The following NCKAP5 variants were observed in gnomAD, a reference collection of about 807,000 sequenced individuals.
NCKAP5 encodes nck-associated protein 5.
A neutral mutation model predicts 167.0 loss-of-function variants in NCKAP5; 92 were observed. The ratio of observed to expected loss-of-function variants is 0.55; its 90% CI spans 0.47 to 0.66. The LOEUF (loss-of-function observed/expected upper bound fraction) is 0.66. NCKAP5 is among the 30% of genes least tolerant of loss of function. The pLI is 0.00. For missense variants in NCKAP5, 2,378 were observed against 2,315.0 expected (o/e 1.03, Z -0.56); for synonymous variants, 891 against 877.4 (o/e 1.02, Z -0.27).
At chr2:133,204,754 T>G (rs77421898) in intron 5 of NCKAP5, among the ~76,000 whole-genome samples, 6,400 of 152,282 alleles carry the variant, frequency 0.042, 422 homozygotes, top group African/African-American at 0.14. Flanking sequence ...TTTCTACATA[T>G]CCTTGCCTAC....
intron 11 of NCKAP5, among the ~76,000 whole-genome samples, chr2:132,804,749 A>C (rs1316875458): frequency 6.6e-6 from 1 of 152,258 alleles, no homozygotes; most frequent in East Asian, 1.9e-4. Context: ...ACTGTGTGGA[A>C]GAAGCTGTCA....
intron 3 of NCKAP5, among the ~76,000 whole-genome samples, chr2:133,455,941 A>G (rs974313791): frequency 3.9e-5 from 6 of 152,186 alleles, no homozygotes; most frequent in African/African-American, 1.4e-4. Context: ...TTTCTAAACC[A>G]CAGGAGCTGG....
chr2:133,590,583 G>A, the NCKAP5 span, among the ~76,000 whole-genome samples: 1 of 149,076 alleles, frequency 6.7e-6, no homozygotes, highest in African/African-American at 2.5e-5. Context: ...AGAGGCCTGA[G>A]AACATGACTC....
intron 6 of NCKAP5, among the ~76,000 whole-genome samples, chr2:133,096,786 T>C (rs1384587853): frequency 6.6e-6 from 1 of 152,138 alleles, no homozygotes; most frequent in Admixed American, 6.6e-5. Flanking sequence ...TCAAAGGTAC[T>C]AGTCGCTAAT....
intron 4 of NCKAP5, among the ~76,000 whole-genome samples, chr2:133,288,244 G>A (rs1019310992): frequency 6.6e-6 from 1 of 152,090 alleles, no homozygotes; most frequent in Admixed American, 6.5e-5. Flanking sequence ...GGGGACAAAT[G>A]GTCCCAAAAG....
intron 6 of NCKAP5, among the ~76,000 whole-genome samples, chr2:133,111,663 G>A (rs762156227): frequency 2.2e-4 from 34 of 152,080 alleles, no homozygotes; most frequent in Non-Finnish European, 3.1e-4. Flanking sequence ...CTGTCATAGC[G>A]GCATAACCCT....
At chr2:133,203,477 C>G (rs1473857853) in intron 5 of NCKAP5, among the ~76,000 whole-genome samples, 1 of 152,004 alleles carries the variant, frequency 6.6e-6, no homozygotes, top group Non-Finnish European at 1.5e-5. Context: ...CAACATGGTA[C>G]ATGTATACAT....
intron 3 of NCKAP5, among the ~76,000 whole-genome samples, chr2:133,382,607 T>C (rs1348167930): frequency 6.6e-6 from 1 of 152,194 alleles, no homozygotes; most frequent in African/African-American, 2.4e-5. Flanking sequence ...TCTGGAGCCA[T>C]CTGCATCCTT....
At chr2:133,538,034 A>C (rs1479453546) in intron 2 of NCKAP5, among the ~76,000 whole-genome samples, 1 of 152,142 alleles carries the variant, frequency 6.6e-6, no homozygotes, top group African/African-American at 2.4e-5. Flanking sequence ...CATCATTTCA[A>C]GCTTGTTGCT....
intron 3 of NCKAP5, among the ~76,000 whole-genome samples, chr2:133,511,984 T>TGGTGTTTTGGGCTCTGTGCTC (rs1683536256): frequency 6.6e-6 from 1 of 152,182 alleles, no homozygotes; most frequent in South Asian, 2.1e-4. Flanking sequence ...TATAGGAAGC[T>TGGTGTTTTGGGCTCTGTGCTC]GGTGTTTTGG....
chr2:133,078,445 A>C (rs766739649), intron 6 of NCKAP5, among the ~76,000 whole-genome samples: 2 of 152,060 alleles, frequency 1.3e-5, no homozygotes, highest in Non-Finnish European at 2.9e-5. Context: ...TGGAACCTGT[A>C]GCTTTACAGT....
intron 6 of NCKAP5, among the ~76,000 whole-genome samples, chr2:133,049,027 C>A (rs965191982): frequency 1.3e-5 from 2 of 152,166 alleles, no homozygotes; most frequent in Non-Finnish European, 2.9e-5. Flanking sequence ...CACTTCCATT[C>A]ATTTATAAGA....
chr2:132,851,834 G>C (rs1288747921), intron 11 of NCKAP5, among the ~76,000 whole-genome samples: 1 of 152,194 alleles, frequency 6.6e-6, no homozygotes, highest in Admixed American at 6.5e-5. Flanking sequence ...GCAGCTCTTA[G>C]ACCAGTGCAC....
chr2:133,343,453 GCAGAGGATTATCA>G, intron 3 of NCKAP5, among the ~76,000 whole-genome samples: 1 of 151,850 alleles, frequency 6.6e-6, no homozygotes, highest in East Asian at 1.9e-4. Context: ...TGTGCTCAGA[GCAGAGGATTATCA>G]CAGAGGCCAG....
intron 6 of NCKAP5, among the ~76,000 whole-genome samples, chr2:133,091,441 T>C (rs977241987): frequency 6.6e-6 from 1 of 152,124 alleles, no homozygotes; most frequent in Non-Finnish European, 1.5e-5. Context: ...CAGCAAATAT[T>C]GGTTTACCCC....
chr2:133,614,909 G>A, the NCKAP5 span, among the ~76,000 whole-genome samples: 1 of 152,164 alleles, frequency 6.6e-6, no homozygotes, highest in African/African-American at 2.4e-5. Context: ...GAAAGGTCGG[G>A]CTACCCTCAA....
chr2:132,930,331 T>C (rs1696270878), intron 8 of NCKAP5: 1 of 152,068 alleles, frequency 6.6e-6, no homozygotes, highest in Admixed American at 6.6e-5. Context: ...CCCAGAAAGG[T>C]GGTAAAACAT....
chr2:133,514,343 T>C (rs547358346), intron 3 of NCKAP5, among the ~76,000 whole-genome samples: 1 of 152,354 alleles, frequency 6.6e-6, no homozygotes, highest in South Asian at 2.1e-4. Context: ...CACATGGACA[T>C]GTATATGTGT....
intron 3 of NCKAP5, among the ~76,000 whole-genome samples, chr2:133,347,143 C>G (rs542139740): frequency 6.6e-6 from 1 of 152,320 alleles, no homozygotes; most frequent in East Asian, 1.9e-4. Flanking sequence ...TACTCCTAAA[C>G]GTAGTAATGT....
Sources: gnomAD v4.1 joint callset for allele counts (sites outside exome capture counted in the v4.1 genomes callset) on GRCh38, gnomAD v4.1.1 for gene constraint, MANE v1.5 for transcripts, NCBI Gene and HGNC (gene_info 2026-07-23, HGNC 2026-07-21) for gene names.